Variants in NLGN1 observed in about 807,000 individuals in gnomAD.
The protein encoded by NLGN1 is neuroligin-1.
A neutral mutation model predicts 65.5 loss-of-function variants in NLGN1; 12 were observed. The ratio of observed to expected loss-of-function variants is 0.18; its 90% CI spans 0.12 to 0.30. NLGN1 has a LOEUF of 0.30. Among genes scored for constraint, NLGN1 ranks in the 10% least tolerant of loss-of-function variants. The probability of loss-of-function intolerance (pLI) is 1.00; values close to 1 mark genes in which losing one functional copy is unlikely to be tolerated. For synonymous variants in NLGN1, 350 were observed against 359.5 expected (o/e 0.97, Z 0.30); for missense variants, 750 against 1,007.1 (o/e 0.74, Z 3.46).
chr3:173,735,360 A>G (rs1773579005), intron 3 of NLGN1, among the ~76,000 whole-genome samples: 1 of 152,112 alleles, frequency 6.6e-6, no homozygotes, highest in East Asian at 1.9e-4. Context: ...ATTTTTTCCC[A>G]GTACATCTTT....
intron 1 of NLGN1, among the ~76,000 whole-genome samples, chr3:173,429,215 T>C (rs1577410955): frequency 6.6e-6 from 1 of 152,176 alleles, no homozygotes; most frequent in East Asian, 1.9e-4. Context: ...TCTGACTGTG[T>C]ATTTTCAAAC....
rs564030667 is a variant in NLGN1 at position 173,594,908 on chromosome 3, C to T, written c.-320-9371C>T. Among the ~76,000 whole-genome samples, 189 of 152,292 alleles carry T rather than the reference C, an allele frequency of 1.2e-3. 1 individual carries two copies. The highest frequency in any genetic ancestry group is 4.0e-3 in the African/African-American group (168 of 41,556). ...GCTGTACCTTGGCCCCTTTTAGTCA[C>T]GGCTGGAGCAGCTGGGACACAGAGA... On this transcript the variant is annotated intron_variant, in intron 2 of 6. Coordinates refer to ENST00000457714, the Ensembl canonical transcript of NLGN1.
chr3:174,045,555 T>A (rs1004365339), intron 4 of NLGN1, among the ~76,000 whole-genome samples: 1 of 152,076 alleles, frequency 6.6e-6, no homozygotes, highest in Non-Finnish European at 1.5e-5. Context: ...CAGACTATAT[T>A]ATGTCCCTTA....
intron 4 of NLGN1, among the ~76,000 whole-genome samples, chr3:173,877,385 A>T (rs1388946797): frequency 6.6e-6 from 1 of 152,134 alleles, no homozygotes; most frequent in Non-Finnish European, 1.5e-5. Flanking sequence ...GACATAAAGG[A>T]CAAGGACAGA....
In NLGN1 at chr3:173,662,610, T is replaced by C. The variant is rs1472510670; in HGVS notation, c.493+57519T>C. On this transcript the variant is annotated intron_variant, in intron 3 of 6. Coordinates refer to ENST00000457714, the Ensembl canonical transcript of NLGN1. ...TAATAGATGTTTGATTTTCTGTGAA[T>C]CTTTGGAAGGATTCCAGATGTTTTC... is the stretch of plus-strand genomic sequence containing the variant. Among the ~76,000 whole-genome samples the C allele has an allele frequency of 3.9e-5, 6 of 152,170 alleles. No homozygotes were observed. In the East Asian group the frequency reaches 1.2e-3, roughly 29 times the overall value.
At chr3:173,573,454 T>G (rs1347772184) in intron 2 of NLGN1, among the ~76,000 whole-genome samples, 3 of 150,646 alleles carry the variant, frequency 2.0e-5, no homozygotes, top group Admixed American at 6.7e-5. Context: ...AATGGCTAAA[T>G]GGGGATACAT....
chr3:174,201,043 C>G (rs894624223), intron 4 of NLGN1, among the ~76,000 whole-genome samples: 1 of 151,916 alleles, frequency 6.6e-6, no homozygotes, highest in Non-Finnish European at 1.5e-5. Flanking sequence ...TTGAGACCAG[C>G]CTAGACAACA....
chr3:174,001,812 T>C (rs1245445671), intron 4 of NLGN1, among the ~76,000 whole-genome samples: 1 of 152,140 alleles, frequency 6.6e-6, no homozygotes, highest in Non-Finnish European at 1.5e-5. Context: ...GTCCTCAATG[T>C]AATTTTGCTT....
intron 2 of NLGN1, among the ~76,000 whole-genome samples, chr3:173,565,257 G>A (rs1242340564): frequency 1.3e-5 from 2 of 152,178 alleles, no homozygotes; most frequent in African/African-American, 4.8e-5. Flanking sequence ...ACCAAATATA[G>A]TGAAATAGGC....
intron 2 of NLGN1, among the ~76,000 whole-genome samples, chr3:173,560,893 A>G (rs983725813): frequency 6.6e-6 from 1 of 152,232 alleles, no homozygotes; most frequent in African/African-American, 2.4e-5. Flanking sequence ...CCCTATAAAT[A>G]ATATTCATTG....
chr3:173,760,874 T>C (rs536060294), intron 3 of NLGN1, among the ~76,000 whole-genome samples: 1 of 152,020 alleles, frequency 6.6e-6, no homozygotes, highest in Non-Finnish European at 1.5e-5. Flanking sequence ...GCAACTAAAA[T>C]TTCTAGCTCA....
Position 173,588,864 on chromosome 3 carries a change from A to G in NLGN1, c.-320-15415A>G, listed in dbSNP as rs1747957678. On this transcript the variant is annotated intron_variant, in intron 2 of 6. Coordinates refer to ENST00000457714, the Ensembl canonical transcript of NLGN1. Reference sequence around the variant, plus strand: ...TTTAATTTTCTTCCTATATATAGCAACACAGCACTTCAATATATGAATGTG... The same window carrying G: ...TTTAATTTTCTTCCTATATATAGCAGCACAGCACTTCAATATATGAATGTG... Among the ~76,000 whole-genome samples, 3 of 152,174 alleles carry G rather than the reference A, an allele frequency of 2.0e-5. No homozygotes were observed. The South Asian group carries it at 6.2e-4, about 31-fold the overall frequency.
chr3:174,053,187 C>T (rs562291071), intron 4 of NLGN1, among the ~76,000 whole-genome samples: 89 of 151,942 alleles, frequency 5.9e-4, no homozygotes, highest in Middle Eastern at 3.4e-3. Flanking sequence ...AACTTACTAT[C>T]AGGTGTTTCG....
chr3:174,038,969 A>G (rs1005266123), intron 4 of NLGN1, among the ~76,000 whole-genome samples: 2 of 152,188 alleles, frequency 1.3e-5, no homozygotes, highest in African/African-American at 2.4e-5. Context: ...TTTCATTTAC[A>G]TAACTCCCAG....
At chr3:174,270,173 CTTAT>C (rs1433163661) in intron 4 of NLGN1, among the ~76,000 whole-genome samples, 39 of 66,874 alleles carry the variant, frequency 5.8e-4, no homozygotes, top group South Asian at 1.6e-3. Context: ...TTGATGTAGT[CTTAT>C]TTGTTTATTT....
intron 4 of NLGN1, among the ~76,000 whole-genome samples, chr3:174,053,774 G>GTCATTTCATTGGGTGT (rs1735436708): frequency 6.6e-6 from 1 of 151,546 alleles, no homozygotes; most frequent in African/African-American, 2.4e-5. Context: ...CATTTCATTT[G>GTCATTTCATTGGGTGT]CTACCTTTTC....
At chr3:173,860,276 G>A (rs888681783) in intron 4 of NLGN1, among the ~76,000 whole-genome samples, 3 of 151,708 alleles carry the variant, frequency 2.0e-5, no homozygotes, top group Non-Finnish European at 4.4e-5. Context: ...TTCAGTTCTA[G>A]GCATTTAGAA....
chr3:174,205,664 T>C (rs890815556), intron 4 of NLGN1, among the ~76,000 whole-genome samples: 5 of 152,218 alleles, frequency 3.3e-5, no homozygotes, highest in African/African-American at 9.6e-5. Context: ...CCTGTAAGTA[T>C]GTCCCTTATC....
At chr3:174,263,182 G>A (rs1156360525) in intron 4 of NLGN1, among the ~76,000 whole-genome samples, 1 of 151,074 alleles carries the variant, frequency 6.6e-6, no homozygotes, top group East Asian at 1.9e-4. Flanking sequence ...AGGGAGTTCT[G>A]TAGATATCTA....
Sources: allele counts gnomAD v4.1 joint callset (sites outside exome capture counted in the v4.1 genomes callset), GRCh38; gene constraint gnomAD v4.1.1; transcripts MANE v1.5; gene names NCBI Gene and HGNC (gene_info 2026-07-23, HGNC 2026-07-21).